The following SAMD12 variants were observed in gnomAD, a reference collection of about 807,000 sequenced individuals.
SAMD12 encodes the protein sterile alpha motif domain-containing protein 12.
Under a neutral mutation model 15.0 loss-of-function variants are expected in SAMD12, and 9 were observed. The ratio of observed to expected loss-of-function variants is 0.60; its 90% CI spans 0.36 to 1.05. The LOEUF (loss-of-function observed/expected upper bound fraction) is 1.05, where lower values mean the gene tolerates loss of function less well. SAMD12 is among the 50% of genes least tolerant of loss of function. SAMD12 has a pLI of 0.01. For missense variants in SAMD12, 230 were observed against 234.2 expected (o/e 0.98, Z 0.12); for synonymous variants, 86 against 90.1 (o/e 0.96, Z 0.25).
exon 5 of SAMD12, chr8:118,191,183 A>T (rs1475510047): frequency 1.3e-5 from 2 of 152,166 alleles, no homozygotes; most frequent in Non-Finnish European, 2.9e-5. Context: ...GACACACAGT[A>T]CAAAGTCAAG....
chr8:118,343,486 A>G (rs1024493181), intron 4 of SAMD12, among the ~76,000 whole-genome samples: 1 of 152,102 alleles, frequency 6.6e-6, no homozygotes, highest in South Asian at 2.1e-4. Context: ...ATGGTGATGA[A>G]GATCTTTGTG....
chr8:118,349,679 G>T (rs1208974567), intron 4 of SAMD12, among the ~76,000 whole-genome samples: 1 of 152,200 alleles, frequency 6.6e-6, no homozygotes, highest in African/African-American at 2.4e-5. Flanking sequence ...TTGAATAAAT[G>T]AAGAGCCTTT....
chr8:118,399,999 T>A (rs1038347119), intron 3 of SAMD12, among the ~76,000 whole-genome samples: 2 of 152,196 alleles, frequency 1.3e-5, no homozygotes, highest in Non-Finnish European at 2.9e-5. Context: ...CTGCTAAAAA[T>A]TCTGTGTGTA....
chr8:118,193,965 A>C (rs1434790906), exon 5 of SAMD12: 1 of 152,228 alleles, frequency 6.6e-6, no homozygotes, highest in Non-Finnish European at 1.5e-5. Flanking sequence ...CATCACAAAG[A>C]ACAAAACTGC....
At chr8:118,602,441 G>A (rs1347735417) in intron 1 of SAMD12, among the ~76,000 whole-genome samples, 1 of 152,070 alleles carries the variant, frequency 6.6e-6, no homozygotes, top group Non-Finnish European at 1.5e-5. Context: ...ATTATAGAAG[G>A]GAATCCCTGA....
chr8:118,529,914 A>T (rs912311531), intron 2 of SAMD12, among the ~76,000 whole-genome samples: 2 of 152,218 alleles, frequency 1.3e-5, no homozygotes, highest in African/African-American at 4.8e-5. Flanking sequence ...TTGCTGGATC[A>T]AATGATAGTT....
intron 4 of SAMD12, among the ~76,000 whole-genome samples, chr8:118,331,124 T>C (rs962962246): frequency 2.0e-5 from 3 of 152,102 alleles, no homozygotes; most frequent in Non-Finnish European, 4.4e-5. Flanking sequence ...TCAATCTGGT[T>C]TAGTAACTCA....
intron 2 of SAMD12, among the ~76,000 whole-genome samples, chr8:118,443,822 C>T (rs1822826275): frequency 6.6e-6 from 1 of 152,282 alleles, no homozygotes; most frequent in South Asian, 2.1e-4. Flanking sequence ...TTCCTCCATC[C>T]CCAACAGCTA....
intron 4 of SAMD12, among the ~76,000 whole-genome samples, chr8:118,297,145 G>T (rs936367907): frequency 2.6e-5 from 4 of 152,084 alleles, no homozygotes; most frequent in African/African-American, 9.7e-5. Flanking sequence ...CCCTCCATAT[G>T]GATGTATTCA....
the SAMD12 span, among the ~76,000 whole-genome samples, chr8:118,155,341 G>A: frequency 6.6e-6 from 1 of 152,114 alleles, no homozygotes; most frequent in African/African-American, 2.4e-5. Context: ...ATTGAAGAAC[G>A]TGCTCGATGA....
At chr8:118,299,066 T>C (rs1814878729) in intron 4 of SAMD12, among the ~76,000 whole-genome samples, 1 of 152,154 alleles carries the variant, frequency 6.6e-6, no homozygotes, top group Admixed American at 6.5e-5. Flanking sequence ...GGAAAAGTCA[T>C]TGCCTTTTGT....
intron 1 of SAMD12, among the ~76,000 whole-genome samples, chr8:118,613,692 T>C (rs1828163727): frequency 1.3e-5 from 2 of 152,254 alleles, no homozygotes; most frequent in South Asian, 4.1e-4. Flanking sequence ...AATTGGGCCA[T>C]GGCATATGAT....
chr8:118,542,689 C>T (rs1231749329), intron 2 of SAMD12, among the ~76,000 whole-genome samples: 1 of 152,140 alleles, frequency 6.6e-6, no homozygotes, highest in African/African-American at 2.4e-5. Context: ...AGTTAATTTC[C>T]AAACTTGTGC....
chr8:118,382,019 C>G (rs377344652), intron 3 of SAMD12, among the ~76,000 whole-genome samples: 9 of 152,232 alleles, frequency 5.9e-5, no homozygotes, highest in African/African-American at 2.2e-4. Flanking sequence ...GTCCAATGCT[C>G]TGCTCACTGT....
intron 2 of SAMD12, among the ~76,000 whole-genome samples, chr8:118,472,274 G>A (rs369723858): frequency 2.7e-4 from 41 of 150,552 alleles, no homozygotes; most frequent in African/African-American, 9.3e-4. Flanking sequence ...GTGACAGAGC[G>A]AGACTCCATC....
intron 4 of SAMD12, among the ~76,000 whole-genome samples, chr8:118,216,502 T>C (rs976261897): frequency 2.0e-5 from 3 of 152,198 alleles, no homozygotes; most frequent in Non-Finnish European, 2.9e-5. Context: ...TTTCTTGCCA[T>C]TGCTTTTGGT....
intron 2 of SAMD12, among the ~76,000 whole-genome samples, chr8:118,551,792 A>G (rs1158284428): frequency 6.6e-6 from 1 of 151,142 alleles, no homozygotes; most frequent in Middle Eastern, 3.2e-3. Context: ...AGACTAATAA[A>G]GAAAAAAAGA....
intron 2 of SAMD12, among the ~76,000 whole-genome samples, chr8:118,447,821 G>C (rs1327323982): frequency 1.3e-5 from 2 of 151,688 alleles, no homozygotes; most frequent in African/African-American, 4.8e-5. Flanking sequence ...CGCCTCCCGG[G>C]TTCACACCAT....
chr8:118,272,540 C>T (rs917851146), intron 4 of SAMD12, among the ~76,000 whole-genome samples: 4 of 152,166 alleles, frequency 2.6e-5, no homozygotes, highest in Non-Finnish European at 4.4e-5. Flanking sequence ...TGAATTTATC[C>T]CCAGAAAATG....
Sources: gnomAD v4.1 joint callset for allele counts (sites outside exome capture counted in the v4.1 genomes callset) on GRCh38, gnomAD v4.1.1 for gene constraint, MANE v1.5 for transcripts, NCBI Gene and HGNC (gene_info 2026-07-23, HGNC 2026-07-21) for gene names.